The following ADCY3 variants were observed in gnomAD, a reference collection of about 807,000 sequenced individuals.
ADCY3 encodes the protein adenylate cyclase 3.
Under a neutral mutation model 119.4 loss-of-function variants are expected in ADCY3, and 70 were observed. The observed-to-expected ratio is 0.59, with a 90% CI of 0.48 to 0.72. The LOEUF (loss-of-function observed/expected upper bound fraction) is 0.72, where lower values mean the gene tolerates loss of function less well. ADCY3 is among the 30% of genes least tolerant of loss of function. The pLI is 0.00. For synonymous variants in ADCY3, 672 were observed against 621.4 expected (o/e 1.08, Z -1.21); for missense variants, 1,238 against 1,541.6 (o/e 0.80, Z 3.30).
At chr2:24,851,156 T>C (rs918051345) in intron 3 of ADCY3, among the ~76,000 whole-genome samples, 1 of 152,148 alleles carries the variant, frequency 6.6e-6, no homozygotes, top group Non-Finnish European at 1.5e-5. Context: ...AAAGGGAACA[T>C]CCCTCAAGGC....
chr2:24,833,854 T>C lies in ADCY3; in HGVS notation c.1967+631A>G, dbSNP rs543301320. 1.3e-4 allele frequency among the ~76,000 whole-genome samples: 20 copies of C among 152,352 alleles called. No homozygotes were observed. The South Asian group carries it at 2.3e-3, about 17-fold the overall frequency. On this transcript the variant is annotated intron_variant, in intron 11 of 21. Transcript: ENST00000679454. ...GCACGTGGTCACACACCCGCAACCT[T>C]AGATAGTGTGACCCAGCCCAAGGCT...
intron 2 of ADCY3, among the ~76,000 whole-genome samples, chr2:24,883,128 T>A (rs1676600374): frequency 6.7e-6 from 1 of 150,068 alleles, no homozygotes; most frequent in Non-Finnish European, 1.5e-5. Flanking sequence ...GGCGGGCAGA[T>A]CACGAGGTCA....
chr2:24,886,339 C>T (rs541291950), intron 2 of ADCY3, among the ~76,000 whole-genome samples: 143 of 152,314 alleles, frequency 9.4e-4, no homozygotes, highest in Middle Eastern at 3.4e-3. Context: ...CTTAGAATGC[C>T]CCTCCCCACC....
chr2:24,823,490 G>GC, intron 17 of ADCY3, 135 bp from the exon 18 acceptor site: 2 of 810,034 alleles, frequency 2.5e-6, no homozygotes, highest in South Asian at 2.3e-5. Flanking sequence ...GATTATTCCA[G>GC]CATTTTTTTT....
chr2:24,911,641 A>ACACACACACACACACACACACACACAC (rs1459604524), intron 2 of ADCY3, among the ~76,000 whole-genome samples: 1 of 58,032 alleles, frequency 1.7e-5, no homozygotes, highest in African/African-American at 5.9e-5. Context: ...CAGACTCAAA[A>ACACACACACACACACACACACACACAC]AAAAAAAAAA....
chr2:24,880,170 A>G (rs1676221723), intron 2 of ADCY3, among the ~76,000 whole-genome samples: 1 of 152,208 alleles, frequency 6.6e-6, no homozygotes, highest in South Asian at 2.1e-4. Context: ...AGAGATGTTC[A>G]AAGTCTACCC....
chr2:24,901,351 G>A (rs978693799), intron 2 of ADCY3, among the ~76,000 whole-genome samples: 2 of 152,114 alleles, frequency 1.3e-5, no homozygotes, highest in Non-Finnish European at 2.9e-5. Flanking sequence ...GTTGTTTTTG[G>A]TATTATATTT....
intron 3 of ADCY3, among the ~76,000 whole-genome samples, chr2:24,848,835 G>A (rs1043533547): frequency 6.6e-6 from 1 of 152,210 alleles, no homozygotes; most frequent in Non-Finnish European, 1.5e-5. Flanking sequence ...GAGTTCCAGT[G>A]AGATGTGCCA....
rs921923128 is a variant in ADCY3 at position 24,878,102 on chromosome 2, T to TA, written c.676-5384dup. On this transcript the variant is annotated intron_variant, in intron 2 of 21. Transcript: ENST00000679454. This position sits in a 1 kb window ranked among gnomAD's most constrained non-coding sequence, Gnocchi z 4.0. ...CTTAATCCTAAAGTTTTCCTGGAAA[T>TA]AACTTATTTCAAAAGAATTGTTCTG... 6.1e-5 allele frequency: 16 copies of TA among 263,408 alleles called. No individual in the cohort carries two copies. Among genetic ancestry groups the TA allele is most frequent in the Admixed American group, 2.7e-4 (6 of 22,150 alleles). 16.3% of individuals were successfully genotyped at this position (263,408 alleles called of 1,614,324 possible).
intron 2 of ADCY3, among the ~76,000 whole-genome samples, chr2:24,880,356 G>C (rs146125181): frequency 5.7e-4 from 87 of 152,192 alleles, no homozygotes; most frequent in African/African-American, 1.8e-3. Context: ...TGGCGGCCTT[G>C]GCCCCAGGCT....
chr2:24,902,067 TG>T, intron 2 of ADCY3, among the ~76,000 whole-genome samples: 1 of 146,546 alleles, frequency 6.8e-6, no homozygotes, highest in Non-Finnish European at 1.5e-5. Flanking sequence ...TGTGTGTGTG[TG>T]TGTGTGTATT....
intron 2 of ADCY3, among the ~76,000 whole-genome samples, chr2:24,900,660 G>C (rs1331585493): frequency 6.6e-6 from 1 of 152,182 alleles, no homozygotes; most frequent in East Asian, 1.9e-4. Flanking sequence ...TCTTGAAAAA[G>C]GGAGATGGGC....
rs1469889470 is a variant in ADCY3 at position 24,899,784 on chromosome 2, G to T, written c.675+18529C>A. 6.6e-6 allele frequency among the ~76,000 whole-genome samples: 1 copy of T among 152,164 alleles called. No homozygotes were observed. Among genetic ancestry groups the T allele is most frequent in the African/African-American group, 2.4e-5 (1 of 41,424 alleles). The stretch of plus-strand genomic sequence containing the variant: ...AATGTGCATAGAGTCACATAAATAT[G>T]CAATTCACAGAAAGATCTCTGGAAG... On this transcript the variant is annotated intron_variant, in intron 2 of 21. Coordinates refer to ENST00000679454, the MANE Select transcript of ADCY3 (RefSeq NM_004036.5). The surrounding 1 kb of genome is among the most constrained non-coding windows in gnomAD (Gnocchi z 4.5).
At position 24,878,586 on chromosome 2, in the gene ADCY3, A is replaced by G. The variant is rs2148857172; in HGVS notation, c.676-5867T>C. ...AGGCCAGCCGCACGGGAAACTCGTC[A>G]TTAAAACTTACTCAGATGCTTTAGG... On this transcript the variant is annotated intron_variant, in intron 2 of 21. Transcript: ENST00000679454. The surrounding 1 kb of genome is among the most constrained non-coding windows in gnomAD (Gnocchi z 4.0). Among the ~76,000 whole-genome samples, 1 of 152,032 alleles carries G rather than the reference A, an allele frequency of 6.6e-6. No homozygotes were observed. The highest frequency in any genetic ancestry group is 2.4e-5 in the African/African-American group (1 of 41,484).
chr2:24,857,991 A>ATTTTTTTTTTTTT lies in ADCY3; in HGVS notation c.825+14566_825+14578dup, dbSNP rs56672595. On this transcript the variant is annotated intron_variant, in intron 3 of 21. Coordinates refer to ENST00000679454, the MANE Select transcript of ADCY3 (RefSeq NM_004036.5). ...AAGTCCTGAAATACTTGTGGTCTGAATTTTTTTTTTTTTTTTTTTTTTTTA... is the reference window on the plus strand; with the variant it reads ...AAGTCCTGAAATACTTGTGGTCTGAATTTTTTTTTTTTTTTTTTTTTTTTTTTTTTTTTTTTTA... 1.5e-3 allele frequency among the ~76,000 whole-genome samples: 185 copies of ATTTTTTTTTTTTT among 122,374 alleles called. 7 individuals carry two copies. The highest frequency in any genetic ancestry group is 6.0e-3 in the African/African-American group (176 of 29,436). 80.3% of individuals were successfully genotyped at this position (122,374 alleles called of 152,430 possible).
intron 2 of ADCY3, among the ~76,000 whole-genome samples, chr2:24,879,673 T>C (rs1012943515): frequency 6.6e-6 from 1 of 152,204 alleles, no homozygotes; most frequent in Non-Finnish European, 1.5e-5. Context: ...TATTCTCATT[T>C]TGCAAGAGAC....
rs547819211 is a variant in ADCY3, at chr2:24,842,529, C to T, written c.826-145G>A. 1.3e-5 allele frequency: 14 copies of T among 1,107,156 alleles called. No homozygotes were observed. The South Asian group carries it at 1.4e-4, about 11-fold the overall frequency. 68.6% of individuals were successfully genotyped at this position (1,107,156 alleles called of 1,614,324 possible). A position where few individuals can be genotyped will look rare whatever the true frequency, so the allele number is the denominator to read the frequency against. ...CTCCAGAGAGACCTCACAGATCTGC[C>T]TCGGGAGCAGCCAGGGGTCTGGGAC... is the stretch of plus-strand genomic sequence containing the variant. On this transcript the variant is annotated intron_variant, in intron 3 of 21. Transcript: ENST00000679454. This position sits in a 1 kb window ranked among gnomAD's most constrained non-coding sequence, Gnocchi z 4.9.
At chr2:24,854,866 A>G (rs937316746) in intron 3 of ADCY3, among the ~76,000 whole-genome samples, 1 of 152,144 alleles carries the variant, frequency 6.6e-6, no homozygotes, top group African/African-American at 2.4e-5. Context: ...CCTGGGCCAC[A>G]TGGTGAAACC....
In ADCY3 at chr2:24,836,948, G is replaced by C; in HGVS notation, c.1631C>G (p.Thr544Arg). ...PNGSAHSSGS[T>R]SEKPEEQDAQ... ...ATCCTGCTCCTCGGGCTTCTCCGACGTGGACCCACTGCTGTGGGCACTCCC... is the reference window on the plus strand; with the variant it reads ...ATCCTGCTCCTCGGGCTTCTCCGACCTGGACCCACTGCTGTGGGCACTCCC... The change falls in exon 9 of 22, where the codon ACG (threonine) becomes AGG (arginine). Residue 544 changes from threonine (T) to arginine (R), a missense_variant. Physicochemically the swap from Thr to Arg is moderately conservative, Grantham distance 71. Around this residue, in one of 7 missense-constraint regions of ADCY3, gnomAD observed 499 missense variants for 571.0 expected, o/e 0.87. Coordinates refer to ENST00000679454, the MANE Select transcript of ADCY3 (RefSeq NM_004036.5). The C allele has an allele frequency of 6.2e-7, 1 of 1,613,716 alleles. No individual in the cohort carries two copies. The highest frequency in any genetic ancestry group is 1.1e-5 in the South Asian group (1 of 91,060).
Sources: gnomAD v4.1 joint callset for allele counts (sites outside exome capture counted in the v4.1 genomes callset) on GRCh38, gnomAD v4.1.1 for gene constraint, gnomAD v4.1.1 regional missense constraint, Gnocchi (gnomAD v3.1) non-coding constraint, MANE v1.5 for transcripts, NCBI Gene and HGNC (gene_info 2026-07-23, HGNC 2026-07-21) for gene names.